KSR2: variants seen among roughly 807,000 people sequenced by gnomAD.
KSR2 encodes the protein kinase suppressor of ras 2.
In KSR2, 25 loss-of-function variants were observed where a neutral mutation model predicts 107.8. The observed-to-expected ratio is 0.23, with a 90% confidence interval of 0.17 to 0.32. The LOEUF is 0.32. Among genes scored for constraint, KSR2 ranks in the 10% least tolerant of loss-of-function variants. The probability of loss-of-function intolerance (pLI) is 1.00; values close to 1 mark genes in which losing one functional copy is unlikely to be tolerated. For synonymous variants in KSR2, 480 were observed against 507.0 expected, an observed-to-expected ratio of 0.95 and a Z score of 0.71; for missense variants, 887 against 1,268.9, an observed-to-expected ratio of 0.70 and a Z score of 4.57.
At chr12:117,942,657 T>A (rs1445371561) in intron 1 of KSR2, among the ~76,000 whole-genome samples, 1 of 146,058 alleles carries the variant, frequency 6.8e-6, no homozygotes, top group Admixed American at 6.9e-5. Context: ...CCTGGCTAAA[T>A]TTTTTTTGTG....
rs185828800 is a variant in KSR2 at position 117,699,379 on chromosome 12, T to C, written c.987-31721A>G. Among the ~76,000 whole-genome samples, 852 of 152,328 alleles carry C rather than the reference T, an allele frequency of 5.6e-3. 15 individuals are homozygous for C. Among genetic ancestry groups the C allele is most frequent in the Admixed American group, 0.011 (172 of 15,302 alleles). Reference sequence around the variant, plus strand: ...CTCATGCGTCACTTAATAAGAGTGATACATCCTAAGAAATGCATTAGGTTA... The same window carrying C: ...CTCATGCGTCACTTAATAAGAGTGACACATCCTAAGAAATGCATTAGGTTA... On this transcript the variant is annotated intron_variant, in intron 4 of 19. Transcript: ENST00000339824.
chr12:117,634,095 G>A (rs1162888901), intron 5 of KSR2, among the ~76,000 whole-genome samples: 2 of 152,128 alleles, frequency 1.3e-5, no homozygotes, highest in Admixed American at 6.5e-5. Context: ...CTAGCATGTG[G>A]TGGGCGATCC....
intron 1 of KSR2, among the ~76,000 whole-genome samples, chr12:117,878,679 T>G (rs1172516934): frequency 6.6e-6 from 1 of 151,972 alleles, no homozygotes; most frequent in South Asian, 2.1e-4. Context: ...ATGGCTGAAC[T>G]AAGAAGCAAG....
At chr12:117,865,617 A>G (rs1218850092) in intron 1 of KSR2, among the ~76,000 whole-genome samples, 1 of 152,032 alleles carries the variant, frequency 6.6e-6, no homozygotes, top group Non-Finnish European at 1.5e-5. Context: ...TCAGCCTCCC[A>G]AGGTGCTGGA....
chr12:117,827,568 C>A (rs1310176656), intron 3 of KSR2, among the ~76,000 whole-genome samples: 1 of 152,224 alleles, frequency 6.6e-6, no homozygotes, highest in African/African-American at 2.4e-5. Flanking sequence ...TGCAAAGTAT[C>A]TGGCACAGAT....
At chr12:117,941,045 A>G (rs1895989598) in intron 1 of KSR2, among the ~76,000 whole-genome samples, 1 of 152,182 alleles carries the variant, frequency 6.6e-6, no homozygotes, top group African/African-American at 2.4e-5. Context: ...AGATCGTGCC[A>G]CTGCATGCCA....
chr12:117,935,716 C>A (rs192439615), intron 1 of KSR2, among the ~76,000 whole-genome samples: 39 of 152,102 alleles, frequency 2.6e-4, no homozygotes, highest in African/African-American at 9.2e-4. Context: ...GCCAAGATTG[C>A]GCTACTGCAC....
At chr12:117,591,137 G>A (rs1417061540) in intron 5 of KSR2, among the ~76,000 whole-genome samples, 1 of 152,174 alleles carries the variant, frequency 6.6e-6, no homozygotes, top group African/African-American at 2.4e-5. Flanking sequence ...CCAAGACTGT[G>A]TTCTTTCAAC....
At chr12:117,667,452 G>A (rs758955140) in intron 5 of KSR2, 22 bp downstream of exon 5, 3 of 1,601,816 alleles carry the variant, frequency 1.9e-6, no homozygotes, top group Middle Eastern at 1.8e-4. Context: ...CGTTCCCAGT[G>A]CAGCCCGGCA....
At chr12:117,866,198 G>C (rs1199086702) in intron 1 of KSR2, among the ~76,000 whole-genome samples, 1 of 151,902 alleles carries the variant, frequency 6.6e-6, no homozygotes, top group Admixed American at 6.6e-5. Context: ...CACCATGCCT[G>C]GCATGGGCCA....
intron 9 of KSR2, among the ~76,000 whole-genome samples, chr12:117,543,273 AG>A (rs1173136237): frequency 6.6e-6 from 1 of 152,200 alleles, no homozygotes; most frequent in Non-Finnish European, 1.5e-5. Context: ...TCTGCCTCTT[AG>A]CCAGTGTTTG....
intron 5 of KSR2, among the ~76,000 whole-genome samples, chr12:117,607,739 G>A (rs141811086): frequency 6.6e-6 from 1 of 152,126 alleles, no homozygotes; most frequent in East Asian, 1.9e-4. Context: ...GAGCAGGGGT[G>A]ACAGTGCCAG....
intron 5 of KSR2, among the ~76,000 whole-genome samples, chr12:117,584,126 G>A (rs1260148069): frequency 6.6e-6 from 1 of 152,176 alleles, no homozygotes; most frequent in Non-Finnish European, 1.5e-5. Context: ...AAAGGGCAGA[G>A]AAAACCTAAG....
chr12:117,582,192 A>G, intron 6 of KSR2, 98 bp downstream of exon 6: 1 of 1,000,982 alleles, frequency 1.0e-6, no homozygotes. Context: ...GCTGGAGCTC[A>G]ATAGCCTAGC....
rs556387149 is a variant in KSR2, at chr12:117,556,189, T to C, written c.1394-896A>G. Among the ~76,000 whole-genome samples the C allele has an allele frequency of 3.2e-3, 477 of 146,984 alleles. 4 individuals carry two copies. The highest frequency in any genetic ancestry group is 0.011 in the African/African-American group (459 of 40,728). ...CTGTATGTACAGACACCTGCCACCT[T>C]TGAACAAAAGGCGGCATGGCCTTGA... is the stretch of plus-strand genomic sequence containing the variant. On this transcript the variant is annotated intron_variant, in intron 8 of 19. Transcript: ENST00000339824.
intron 5 of KSR2, among the ~76,000 whole-genome samples, chr12:117,592,811 C>G (rs1485509967): frequency 2.0e-5 from 3 of 150,882 alleles, no homozygotes; most frequent in Non-Finnish European, 4.4e-5. Flanking sequence ...AACACTAGGT[C>G]GGGTAGGGCA....
At chr12:117,862,135 C>T (rs1893321070) in intron 1 of KSR2, among the ~76,000 whole-genome samples, 1 of 151,176 alleles carries the variant, frequency 6.6e-6, no homozygotes, top group South Asian at 2.1e-4. Context: ...AATCATAGCT[C>T]ACTGCAGCCT....
intron 5 of KSR2, among the ~76,000 whole-genome samples, chr12:117,634,676 T>A (rs1269981600): frequency 1.3e-5 from 2 of 152,092 alleles, no homozygotes; most frequent in Admixed American, 1.3e-4. Context: ...CAGGGCTGGA[T>A]CCCATCAGAC....
At chr12:117,516,607 G>A (rs1283374342) in intron 14 of KSR2, among the ~76,000 whole-genome samples, 13 of 152,146 alleles carry the variant, frequency 8.5e-5, no homozygotes, top group Non-Finnish European at 1.9e-4. Flanking sequence ...GAGGCACTAT[G>A]CTATAGTCTT....
Sources: allele counts gnomAD v4.1 joint callset (sites outside exome capture counted in the v4.1 genomes callset), GRCh38; gene constraint gnomAD v4.1.1; transcripts MANE v1.5; gene names NCBI Gene and HGNC (gene_info 2026-07-23, HGNC 2026-07-21).